Variants in RASAL2 observed in about 807,000 individuals in gnomAD.
RASAL2 encodes the protein RAS protein activator like 2.
In RASAL2, 58 loss-of-function variants were observed where a neutral mutation model predicts 128.9. That is an observed-to-expected ratio of 0.45 (90% CI 0.36 to 0.56). The LOEUF (loss-of-function observed/expected upper bound fraction) is 0.56, where lower values mean the gene tolerates loss of function less well. Ranked by LOEUF, RASAL2 falls within the 20% of genes least tolerant of loss-of-function variation. RASAL2 has a pLI of 0.00. For synonymous variants in RASAL2, 561 were observed against 580.8 expected, an observed-to-expected ratio of 0.97 and a Z score of 0.49; for missense variants, 1,360 against 1,601.6, an observed-to-expected ratio of 0.85 and a Z score of 2.57.
chr1:178,390,775 T>G (rs1449508806), intron 4 of RASAL2, among the ~76,000 whole-genome samples: 1 of 152,208 alleles, frequency 6.6e-6, no homozygotes. Flanking sequence ...TAAGTTCAAA[T>G]TCCTCTCAAC....
chr1:178,459,903 T>C (rs1261822915), intron 14 of RASAL2, among the ~76,000 whole-genome samples: 1 of 152,186 alleles, frequency 6.6e-6, no homozygotes, highest in African/African-American at 2.4e-5. Flanking sequence ...ATAGATATCT[T>C]TTATATGTAT....
At chr1:178,349,325 T>C (rs1670336933) in intron 3 of RASAL2, among the ~76,000 whole-genome samples, 1 of 150,396 alleles carries the variant, frequency 6.6e-6, no homozygotes, top group African/African-American at 2.4e-5. Context: ...CTCGGGAGGC[T>C]GAGGCAGGGG....
chr1:178,424,913 A>G (rs1435999714), intron 5 of RASAL2, among the ~76,000 whole-genome samples: 1 of 152,208 alleles, frequency 6.6e-6, no homozygotes, highest in Non-Finnish European at 1.5e-5. Flanking sequence ...TAAAATCCAA[A>G]TGTATTGATA....
intron 2 of RASAL2, among the ~76,000 whole-genome samples, chr1:178,285,995 CT>C (rs1571780774): frequency 1.3e-5 from 2 of 152,214 alleles, no homozygotes; most frequent in South Asian, 2.1e-4. Context: ...ATCTTATGTC[CT>C]TTATCCCTTT....
chr1:178,333,641 G>A (rs979210028), intron 3 of RASAL2, among the ~76,000 whole-genome samples: 1 of 152,124 alleles, frequency 6.6e-6, no homozygotes, highest in East Asian at 1.9e-4. Context: ...AAAAACCCAA[G>A]CCATATGCTG....
chr1:178,184,475 G>A (rs926386781), intron 1 of RASAL2, among the ~76,000 whole-genome samples: 1 of 150,904 alleles, frequency 6.6e-6, no homozygotes, highest in Admixed American at 6.6e-5. Context: ...ATTTAGATCT[G>A]TGTTCCATTT....
chr1:178,411,898 C>T (rs1674413557), intron 4 of RASAL2: 1 of 692,472 alleles, frequency 1.4e-6, no homozygotes, highest in South Asian at 1.6e-5. Flanking sequence ...TGGGGCCAGT[C>T]GGCCTTCAGA....
chr1:178,157,580 G>A (rs1017561929), intron 1 of RASAL2, among the ~76,000 whole-genome samples: 1 of 152,112 alleles, frequency 6.6e-6, no homozygotes, highest in African/African-American at 2.4e-5. Context: ...TGCTCCCTGG[G>A]TTGCTGGTTT....
chr1:178,321,234 C>T (rs1050420501), intron 3 of RASAL2, among the ~76,000 whole-genome samples: 1 of 152,060 alleles, frequency 6.6e-6, no homozygotes, highest in African/African-American at 2.4e-5. Flanking sequence ...CAGGAATTTG[C>T]CACCATGCAT....
chr1:178,133,968 G>A (rs751554805), intron 1 of RASAL2, among the ~76,000 whole-genome samples: 8 of 152,136 alleles, frequency 5.3e-5, no homozygotes, highest in Non-Finnish European at 1.0e-4. Flanking sequence ...AAAAGTTGAG[G>A]TGCAAACAAT....
intron 1 of RASAL2, among the ~76,000 whole-genome samples, chr1:178,203,519 C>T (rs1275943828): frequency 6.6e-6 from 1 of 152,182 alleles, no homozygotes; most frequent in Admixed American, 6.5e-5. Flanking sequence ...AAAAGTGGCA[C>T]CATTCAGTAT....
chr1:178,123,037 T>C (rs1007492315), intron 1 of RASAL2: 11 of 152,188 alleles, frequency 7.2e-5, no homozygotes, highest in Admixed American at 2.0e-4. Flanking sequence ...ACCAGTGTTT[T>C]ACAAAATGAG....
rs560928378 is a variant in RASAL2 at position 178,357,734 on chromosome 1, T to A, written c.458-32366T>A. ...CACATTTTTAAATTTTAGTCATTTTTAACTTTATATAAAGAGCATGTTTTA... is the reference window on the plus strand; with the variant it reads ...CACATTTTTAAATTTTAGTCATTTTAAACTTTATATAAAGAGCATGTTTTA... On this transcript the variant is annotated intron_variant, in intron 3 of 17. Coordinates refer to ENST00000367649, the MANE Select transcript of RASAL2 (RefSeq NM_170692.4). Among the ~76,000 whole-genome samples the A allele has an allele frequency of 7.9e-5, 12 of 152,326 alleles. No individual in the cohort carries two copies. The South Asian group carries it at 2.3e-3, about 29-fold the overall frequency.
intron 1 of RASAL2, among the ~76,000 whole-genome samples, chr1:178,238,702 C>T (rs1664366588): frequency 6.6e-6 from 1 of 152,052 alleles, no homozygotes; most frequent in African/African-American, 2.4e-5. Context: ...CAAATACCTT[C>T]TGTAGTTAGT....
chr1:178,172,130 T>C (rs752726844), intron 1 of RASAL2, among the ~76,000 whole-genome samples: 3 of 152,020 alleles, frequency 2.0e-5, no homozygotes, highest in Non-Finnish European at 2.9e-5. Flanking sequence ...GAAAAATTAA[T>C]AGGAGATGAA....
intron 12 of RASAL2, among the ~76,000 whole-genome samples, chr1:178,456,286 T>G (rs983649720): frequency 7.9e-5 from 12 of 152,178 alleles, no homozygotes; most frequent in African/African-American, 2.4e-4. Flanking sequence ...CTTTGAAAGT[T>G]TATCATACTA....
chr1:178,395,085 G>A (rs575768311), intron 4 of RASAL2, among the ~76,000 whole-genome samples: 3 of 152,224 alleles, frequency 2.0e-5, no homozygotes, highest in East Asian at 3.9e-4. Context: ...ATTTAATAAA[G>A]ACTAGTAAGT....
chr1:178,406,070 G>A (rs559304805), intron 4 of RASAL2, among the ~76,000 whole-genome samples: 12 of 152,040 alleles, frequency 7.9e-5, no homozygotes, highest in Admixed American at 2.0e-4. Context: ...TTGCCATGTC[G>A]TCTTGTTATT....
intron 1 of RASAL2, among the ~76,000 whole-genome samples, chr1:178,276,724 T>C (rs997771803): frequency 2.0e-5 from 3 of 152,104 alleles, no homozygotes; most frequent in African/African-American, 7.2e-5. Context: ...GTAACAACTC[T>C]AACATTATTT....
Sources: allele counts gnomAD v4.1 joint callset (sites outside exome capture counted in the v4.1 genomes callset), GRCh38; gene constraint gnomAD v4.1.1; transcripts MANE v1.5; gene names NCBI Gene and HGNC (gene_info 2026-07-23, HGNC 2026-07-21).